Variants in ADGRL3 observed in about 807,000 individuals in gnomAD.
ADGRL3 encodes the protein adhesion G protein-coupled receptor L3.
ADGRL3 carries 62 observed loss-of-function variants against 153.5 expected under a neutral mutation model. The observed-to-expected ratio is 0.40, with a 90% CI of 0.33 to 0.50. The LOEUF is 0.50. Ranked by LOEUF, ADGRL3 falls within the 20% of genes least tolerant of loss-of-function variation. The pLI, the probability that ADGRL3 is intolerant of heterozygous loss-of-function variation, is 0.47. For synonymous variants in ADGRL3, 710 were observed against 672.5 expected, an observed-to-expected ratio of 1.06 and a Z score of -0.86; for missense variants, 1,641 against 1,859.4, an observed-to-expected ratio of 0.88 and a Z score of 2.16.
At chr4:62,020,814 A>T (rs554339034) in intron 21 of ADGRL3, among the ~76,000 whole-genome samples, 2 of 152,124 alleles carry the variant, frequency 1.3e-5, no homozygotes, top group East Asian at 3.9e-4. Context: ...ATCACTAAGG[A>T]TATAATATGA....
At chr4:61,519,263 A>G (rs1303962111) in intron 4 of ADGRL3, among the ~76,000 whole-genome samples, 2 of 152,150 alleles carry the variant, frequency 1.3e-5, no homozygotes, top group Non-Finnish European at 2.9e-5. Flanking sequence ...CTATATCACT[A>G]GATTTTAGTT....
intron 17 of ADGRL3, among the ~76,000 whole-genome samples, chr4:61,955,997 G>C (rs180896012): frequency 1.3e-5 from 2 of 152,204 alleles, no homozygotes; most frequent in Admixed American, 1.3e-4. Context: ...CAGTAAACAT[G>C]CATGTGCATG....
chr4:61,340,579 T>A (rs1307070102), intron 1 of ADGRL3, among the ~76,000 whole-genome samples: 2 of 152,138 alleles, frequency 1.3e-5, no homozygotes, highest in Non-Finnish European at 2.9e-5. Context: ...GAAGTGTTGC[T>A]ATTGTCCAGC....
intron 2 of ADGRL3, among the ~76,000 whole-genome samples, chr4:61,430,927 G>A (rs925490335): frequency 3.0e-4 from 46 of 152,286 alleles, no homozygotes; most frequent in African/African-American, 1.0e-3. Context: ...CAAGGTGGTT[G>A]TTAAAAGAGT....
At chr4:61,454,548 T>C (rs991030810) in intron 2 of ADGRL3, among the ~76,000 whole-genome samples, 2 of 152,112 alleles carry the variant, frequency 1.3e-5, no homozygotes, top group Non-Finnish European at 2.9e-5. Flanking sequence ...CTTGGATAGT[T>C]AACATGAATA....
At chr4:61,452,398 C>A (rs1223019206) in intron 2 of ADGRL3, among the ~76,000 whole-genome samples, 1 of 152,104 alleles carries the variant, frequency 6.6e-6, no homozygotes, top group Non-Finnish European at 1.5e-5. Context: ...AACCTGGCTG[C>A]AAAAAACATC....
chr4:61,494,951 C>T (rs1278671076), intron 2 of ADGRL3, among the ~76,000 whole-genome samples: 1 of 152,156 alleles, frequency 6.6e-6, no homozygotes, highest in Non-Finnish European at 1.5e-5. Context: ...GCACCTACCA[C>T]ATGCCAGCAC....
chr4:61,877,583 A>G (rs1386512883), intron 9 of ADGRL3, among the ~76,000 whole-genome samples: 2 of 152,212 alleles, frequency 1.3e-5, no homozygotes, highest in Admixed American at 6.5e-5. Flanking sequence ...TAAGGCTGCC[A>G]TAACAAAGTA....
chr4:61,988,961 G>A (rs1243221399), intron 19 of ADGRL3, among the ~76,000 whole-genome samples: 8 of 152,090 alleles, frequency 5.3e-5, no homozygotes, highest in Non-Finnish European at 1.0e-4. Flanking sequence ...TCTGAAAATT[G>A]TTGTAAATTA....
intron 11 of ADGRL3, among the ~76,000 whole-genome samples, chr4:61,898,626 T>C (rs2098645527): frequency 6.6e-6 from 1 of 151,708 alleles, no homozygotes; most frequent in Non-Finnish European, 1.5e-5. Flanking sequence ...CCTAATCTTT[T>C]TTTTTTTTTT....
intron 2 of ADGRL3, among the ~76,000 whole-genome samples, chr4:61,409,422 A>AT (rs923291204): frequency 2.6e-5 from 3 of 116,854 alleles, no homozygotes; most frequent in African/African-American, 5.6e-5. Flanking sequence ...TATATATATT[A>AT]TATATATGTC....
At chr4:61,206,306 A>T (rs149800389) in intron 1 of ADGRL3, among the ~76,000 whole-genome samples, 2 of 152,162 alleles carry the variant, frequency 1.3e-5, no homozygotes, top group Admixed American at 6.5e-5. Flanking sequence ...CTTATTTTGA[A>T]AACTATTTTT....
intron 19 of ADGRL3, among the ~76,000 whole-genome samples, chr4:61,988,541 A>T (rs188641121): frequency 2.6e-4 from 39 of 152,306 alleles, no homozygotes; most frequent in African/African-American, 8.9e-4. Context: ...ATCAGGAAAC[A>T]TTTGGAAATT....
intron 5 of ADGRL3, among the ~76,000 whole-genome samples, chr4:61,623,088 A>G (rs763468554): frequency 6.6e-6 from 1 of 152,156 alleles, no homozygotes; most frequent in African/African-American, 2.4e-5. Context: ...TGCCTTTATA[A>G]CCAAGCATTA....
At chr4:62,031,335 A>G in intron 22 of ADGRL3, 107 bp from the exon 23 acceptor site, 1 of 926,142 alleles carries the variant, frequency 1.1e-6, no homozygotes, top group Non-Finnish European at 1.6e-6. Context: ...TTTTCTGTCA[A>G]TAAAAGTTAC....
intron 21 of ADGRL3, among the ~76,000 whole-genome samples, chr4:62,001,528 A>G (rs558289201): frequency 6.6e-6 from 1 of 152,312 alleles, no homozygotes; most frequent in African/African-American, 2.4e-5. Context: ...AGAAAATTTC[A>G]TTTTTATTTA....
chr4:61,510,125 G>A (rs1445019473), intron 3 of ADGRL3, among the ~76,000 whole-genome samples: 1 of 151,952 alleles, frequency 6.6e-6, no homozygotes, highest in Non-Finnish European at 1.5e-5. Flanking sequence ...TTTGTATTTT[G>A]CTTGTTGAAT....
At chr4:61,339,443 C>T (rs1255220672) in intron 1 of ADGRL3, among the ~76,000 whole-genome samples, 1 of 152,070 alleles carries the variant, frequency 6.6e-6, no homozygotes, top group Non-Finnish European at 1.5e-5. Flanking sequence ...ATTTTAGAAA[C>T]TGAGGAAAAT....
intron 5 of ADGRL3, among the ~76,000 whole-genome samples, chr4:61,607,425 C>T (rs1008057931): frequency 5.9e-5 from 9 of 152,032 alleles, no homozygotes; most frequent in African/African-American, 1.9e-4. Flanking sequence ...GGTGAAACCC[C>T]ATCTCTACTT....
Sources: gnomAD v4.1 joint callset for allele counts (sites outside exome capture counted in the v4.1 genomes callset) on GRCh38, gnomAD v4.1.1 for gene constraint, MANE v1.5 for transcripts, NCBI Gene and HGNC (gene_info 2026-07-23, HGNC 2026-07-21) for gene names.